MAMDC2: variants seen among roughly 807,000 people sequenced by gnomAD.
MAMDC2 encodes MAM domain-containing protein 2.
In MAMDC2, 57 loss-of-function variants were observed where a neutral mutation model predicts 89.8. The ratio of observed to expected loss-of-function variants is 0.63; its 90% confidence interval spans 0.51 to 0.79. The LOEUF is 0.79. MAMDC2 is among the 30% of genes least tolerant of loss of function. The probability of loss-of-function intolerance (pLI) is 0.00; values close to 1 mark genes in which losing one functional copy is unlikely to be tolerated. For missense variants in MAMDC2, 800 were observed against 820.6 expected (o/e 0.97, Z 0.31); for synonymous variants, 313 against 293.4 (o/e 1.07, Z -0.68).
chr9:70,151,039 A>AGAG (rs2031563611), intron 9 of MAMDC2, among the ~76,000 whole-genome samples: 1 of 152,158 alleles, frequency 6.6e-6, no homozygotes, highest in Non-Finnish European at 1.5e-5. Context: ...CCACATTCAT[A>AGAG]GAGTCCCACA....
At chr9:70,159,946 T>G in intron 9 of MAMDC2, among the ~76,000 whole-genome samples, 1 of 151,972 alleles carries the variant, frequency 6.6e-6, no homozygotes, top group Non-Finnish European at 1.5e-5. Context: ...GCACGGTGAC[T>G]CACACCTGTA....
intron 2 of MAMDC2, chr9:70,062,648 G>A (rs921987261): frequency 1.1e-4 from 17 of 152,198 alleles, no homozygotes; most frequent in African/African-American, 4.1e-4. Context: ...AAAGCCCTCA[G>A]TGGTGTAACA....
chr9:70,128,904 A>G (rs558916336), intron 6 of MAMDC2, among the ~76,000 whole-genome samples: 240 of 152,250 alleles, frequency 1.6e-3, no homozygotes, highest in African/African-American at 5.6e-3. Context: ...TGATCCGCCC[A>G]CCTCAGGCTC....
At chr9:70,083,164 G>C (rs1160856869) in intron 2 of MAMDC2, among the ~76,000 whole-genome samples, 1 of 152,124 alleles carries the variant, frequency 6.6e-6, no homozygotes, top group Non-Finnish European at 1.5e-5. Context: ...ACTGTGGAAG[G>C]CAGCAGTGGC....
chr9:70,173,039 C>T (rs181753572), intron 11 of MAMDC2, among the ~76,000 whole-genome samples: 6 of 152,232 alleles, frequency 3.9e-5, no homozygotes, highest in Non-Finnish European at 7.4e-5. Context: ...TCAGGCACAG[C>T]TTGATGCAGG....
intron 12 of MAMDC2, among the ~76,000 whole-genome samples, chr9:70,220,422 A>G (rs567061299): frequency 5.3e-5 from 8 of 152,294 alleles, no homozygotes; most frequent in Admixed American, 3.3e-4. Flanking sequence ...AATGGAACAG[A>G]TAAGAATCTC....
chr9:70,195,063 T>A (rs1465764710), intron 11 of MAMDC2, among the ~76,000 whole-genome samples: 1 of 152,098 alleles, frequency 6.6e-6, no homozygotes, highest in Non-Finnish European at 1.5e-5. Context: ...CAGGCTAATA[T>A]GAAGTTTCCT....
intron 2 of MAMDC2, among the ~76,000 whole-genome samples, chr9:70,066,994 G>A (rs1401216775): frequency 6.6e-6 from 1 of 152,170 alleles, no homozygotes; most frequent in Non-Finnish European, 1.5e-5. Context: ...CAAGTAGGAA[G>A]TTTATGAGAG....
chr9:70,200,720 T>C (rs1239988903), intron 11 of MAMDC2, among the ~76,000 whole-genome samples: 3 of 145,992 alleles, frequency 2.1e-5, no homozygotes, highest in African/African-American at 5.1e-5. Flanking sequence ...TATCCTCTTT[T>C]ATTTCCTTGA....
chr9:70,147,082 C>A (rs2031428770), intron 9 of MAMDC2, among the ~76,000 whole-genome samples: 1 of 149,764 alleles, frequency 6.7e-6, no homozygotes. Context: ...ATGGTGAAAC[C>A]CCATCTCCAC....
chr9:70,109,803 T>C lies in MAMDC2; in HGVS notation c.504T>C (p.Ile168=). The change falls in exon 4 of 14, where the codon ATT becomes ATC. Residue 168 remains isoleucine, a splice_region_variant and synonymous_variant. Coordinates refer to ENST00000377182, the MANE Select transcript of MAMDC2 (RefSeq NM_153267.5). The part of the protein sequence containing the change: ...FEIKMTTGYC[I]ECDFEENHLC... ...TCAAGATGACAACCGGCTACTGTATTGGTAAGTGGGCTTCATTTTCATTAA... is the reference window on the plus strand; with the variant it reads ...TCAAGATGACAACCGGCTACTGTATCGGTAAGTGGGCTTCATTTTCATTAA... 6.2e-7 allele frequency: 1 copy of C among 1,611,018 alleles called. No individual in the cohort carries two copies. Among genetic ancestry groups the C allele is most frequent in the Non-Finnish European group, 8.5e-7 (1 of 1,177,688 alleles).
chr9:70,168,823 G>C, intron 10 of MAMDC2, 28 bp downstream of exon 10: 1 of 1,499,376 alleles, frequency 6.7e-7, no homozygotes, highest in Non-Finnish European at 9.3e-7. Flanking sequence ...TTAGCTCTCT[G>C]TCTCTCTGAC....
At chr9:70,201,777 C>T (rs988319312) in intron 11 of MAMDC2, among the ~76,000 whole-genome samples, 2 of 146,818 alleles carry the variant, frequency 1.4e-5, no homozygotes, top group African/African-American at 5.2e-5. Flanking sequence ...CTGGTTTAGT[C>T]TTGGGAGAGT....
intron 2 of MAMDC2, among the ~76,000 whole-genome samples, chr9:70,070,159 T>C (rs1404245689): frequency 3.9e-5 from 6 of 152,200 alleles, no homozygotes; most frequent in Admixed American, 3.3e-4. Context: ...CTAAGAAATA[T>C]CCAGGCACAA....
At chr9:70,063,920 G>C (rs1216810544) in intron 2 of MAMDC2, among the ~76,000 whole-genome samples, 1 of 151,992 alleles carries the variant, frequency 6.6e-6, no homozygotes, top group African/African-American at 2.4e-5. Context: ...TTCTCTTTTA[G>C]ATGTGCCACA....
chr9:70,194,091 T>G (rs147400106), intron 11 of MAMDC2: 1 of 152,162 alleles, frequency 6.6e-6, no homozygotes, highest in Non-Finnish European at 1.5e-5. Flanking sequence ...CCTGACTTAC[T>G]AACTGGTGAT....
At chr9:70,211,981 C>T (rs1564001737) in intron 11 of MAMDC2, among the ~76,000 whole-genome samples, 1 of 152,200 alleles carries the variant, frequency 6.6e-6, no homozygotes, top group Non-Finnish European at 1.5e-5. Flanking sequence ...CTGATCATTC[C>T]TCTGGAAGCT....
intron 2 of MAMDC2, chr9:70,086,648 T>G (rs1379428451): frequency 6.6e-6 from 1 of 152,154 alleles, no homozygotes; most frequent in African/African-American, 2.4e-5. Context: ...ATCATTGTTA[T>G]TAACAATTTT....
chr9:70,101,356 A>C (rs921759120), intron 2 of MAMDC2, among the ~76,000 whole-genome samples: 2 of 149,620 alleles, frequency 1.3e-5, no homozygotes, highest in Non-Finnish European at 2.9e-5. Context: ...TTATTGAAAA[A>C]AGAAAAATAT....
Sources: gnomAD v4.1 joint callset for allele counts (sites outside exome capture counted in the v4.1 genomes callset) on GRCh38, gnomAD v4.1.1 for gene constraint, MANE v1.5 for transcripts, NCBI Gene and HGNC (gene_info 2026-07-23, HGNC 2026-07-21) for gene names.